The following SPRY3 variants were observed in gnomAD, a reference collection of about 807,000 sequenced individuals.
SPRY3 encodes the protein protein sprouty homolog 3.
A neutral mutation model predicts 20.2 loss-of-function variants in SPRY3; 15 were observed. The ratio of observed to expected loss-of-function variants is 0.74; its 90% CI spans 0.50 to 1.14. The LOEUF (loss-of-function observed/expected upper bound fraction) is 1.14, where lower values mean the gene tolerates loss of function less well. SPRY3 is among the 50% of genes most tolerant of loss of function. SPRY3 has a pLI of 0.00. For missense variants in SPRY3, 364 were observed against 363.9 expected (o/e 1.00, Z 0.00); for synonymous variants, 143 against 136.5 (o/e 1.05, Z -0.33).
chrX:155,746,420 A>G (rs1360065917), intron 2 of SPRY3, among the ~76,000 whole-genome samples: 1 of 151,966 alleles, frequency 6.6e-6, no homozygotes, highest in Non-Finnish European at 1.5e-5. Flanking sequence ...CAATTTTTTC[A>G]TTTTAATGAA....
At chrX:155,744,702 A>G (rs1227349534) in intron 2 of SPRY3, among the ~76,000 whole-genome samples, 2 of 151,990 alleles carry the variant, frequency 1.3e-5, no homozygotes, top group East Asian at 3.9e-4. Flanking sequence ...TCGCACAACC[A>G]TTGCTCACAT....
At chrX:155,713,702 G>A (rs903607197) in intron 2 of SPRY3, among the ~76,000 whole-genome samples, 22 of 151,850 alleles carry the variant, frequency 1.4e-4, no homozygotes, top group African/African-American at 5.1e-4. Context: ...GCTTAGTGTT[G>A]TATAAGCTTC....
intron 2 of SPRY3, among the ~76,000 whole-genome samples, chrX:155,761,670 C>T (rs1328894706): frequency 6.6e-6 from 1 of 151,350 alleles, no homozygotes; most frequent in African/African-American, 2.4e-5. Flanking sequence ...TTCTCAACAA[C>T]AGTGCATAAG....
At chrX:155,729,849 G>A (rs1386661536) in intron 2 of SPRY3, among the ~76,000 whole-genome samples, 1 of 151,888 alleles carries the variant, frequency 6.6e-6, no homozygotes. Flanking sequence ...ATGCAAATAA[G>A]TAAAATAAGA....
intron 2 of SPRY3, among the ~76,000 whole-genome samples, chrX:155,737,288 A>G (rs1335335423): frequency 6.6e-6 from 1 of 152,052 alleles, no homozygotes; most frequent in Non-Finnish European, 1.5e-5. Flanking sequence ...GATTGATTCC[A>G]TGTGTTTGCT....
At chrX:155,692,709 T>G (rs1367735757) in intron 2 of SPRY3, among the ~76,000 whole-genome samples, 1 of 111,700 alleles carries the variant, frequency 9.0e-6, no homozygotes, top group Admixed American at 9.6e-5. Context: ...ACAAATTAAA[T>G]TTACTACATA....
chrX:155,617,101 C>A (rs1455030593), intron 1 of SPRY3, among the ~76,000 whole-genome samples: 1 of 105,457 alleles, frequency 9.5e-6, no homozygotes, highest in Non-Finnish European at 1.9e-5. Flanking sequence ...ATGCTCCTCT[C>A]ACTGCAACCT....
At chrX:155,720,541 G>A (rs1280911291) in intron 2 of SPRY3, among the ~76,000 whole-genome samples, 1 of 152,162 alleles carries the variant, frequency 6.6e-6, no homozygotes. Context: ...CAGTCACAGT[G>A]GTGGTGACCA....
At chrX:155,683,754 G>A (rs1429938293) in intron 2 of SPRY3, among the ~76,000 whole-genome samples, 1 of 111,840 alleles carries the variant, frequency 8.9e-6, no homozygotes, top group African/African-American at 3.3e-5. Flanking sequence ...CATATAGACA[G>A]TAATAATAAT....
intron 3 of SPRY3, among the ~76,000 whole-genome samples, chrX:155,772,894 A>C (rs1362587384): frequency 5.3e-5 from 8 of 152,216 alleles, no homozygotes; most frequent in Non-Finnish European, 1.0e-4. Flanking sequence ...AGTCTCATCA[A>C]TATGGAGGTG....
At chrX:155,705,766 T>G (rs1469625570) in intron 2 of SPRY3, among the ~76,000 whole-genome samples, 1 of 151,360 alleles carries the variant, frequency 6.6e-6, no homozygotes, top group Non-Finnish European at 1.5e-5. Flanking sequence ...AACAGGGATA[T>G]AGAGAGACAT....
At chrX:155,711,398 A>G (rs1214568122) in intron 2 of SPRY3, among the ~76,000 whole-genome samples, 1 of 151,852 alleles carries the variant, frequency 6.6e-6, no homozygotes, top group Non-Finnish European at 1.5e-5. Context: ...GTATATATCT[A>G]GGAATTTATC....
intron 2 of SPRY3, among the ~76,000 whole-genome samples, chrX:155,696,387 T>C (rs951322107): frequency 9.0e-6 from 1 of 110,898 alleles, no homozygotes; most frequent in Non-Finnish European, 1.9e-5. Context: ...GTAAATTTGA[T>C]ATTTTGAAGT....
intron 2 of SPRY3, among the ~76,000 whole-genome samples, chrX:155,747,284 A>G: frequency 6.6e-6 from 1 of 152,008 alleles, no homozygotes; most frequent in East Asian, 1.9e-4. Context: ...TTGAGCATTT[A>G]CCTGATAAAA....
At chrX:155,730,361 G>A (rs2091125122) in intron 2 of SPRY3, among the ~76,000 whole-genome samples, 1 of 152,118 alleles carries the variant, frequency 6.6e-6, no homozygotes, top group South Asian at 2.1e-4. Flanking sequence ...ATTTATCCCA[G>A]GGATGCAATG....
chrX:155,763,140 C>G (rs1386421023), intron 2 of SPRY3, among the ~76,000 whole-genome samples: 1 of 152,070 alleles, frequency 6.6e-6, no homozygotes, highest in Non-Finnish European at 1.5e-5. Context: ...CATGTTCTCA[C>G]TTATAAGTGG....
intron 2 of SPRY3, among the ~76,000 whole-genome samples, chrX:155,722,987 G>A (rs1353108416): frequency 2.2e-5 from 3 of 138,612 alleles, no homozygotes; most frequent in African/African-American, 8.3e-5. Context: ...CTGTGTCCAA[G>A]TGTTCTCATT....
At chrX:155,731,704 A>T (rs769670935) in intron 2 of SPRY3, among the ~76,000 whole-genome samples, 1 of 152,206 alleles carries the variant, frequency 6.6e-6, no homozygotes, top group Non-Finnish European at 1.5e-5. Context: ...GGAAACAATG[A>T]ACAAAATGAA....
chrX:155,752,860 C>G (rs1043916248), intron 2 of SPRY3, among the ~76,000 whole-genome samples: 9 of 151,754 alleles, frequency 5.9e-5, no homozygotes, highest in African/African-American at 9.7e-5. Flanking sequence ...ATGTATTTGT[C>G]CCAGCATTTT....
Sources: allele counts gnomAD v4.1 joint callset (sites outside exome capture counted in the v4.1 genomes callset), GRCh38; gene constraint gnomAD v4.1.1; transcripts MANE v1.5; gene names NCBI Gene and HGNC (gene_info 2026-07-23, HGNC 2026-07-21).